ANKRD63: variants seen among roughly 807,000 people sequenced by gnomAD.
ANKRD63 encodes the protein ankyrin repeat domain-containing protein 63.
ANKRD63 carries 18 observed loss-of-function variants against 21.2 expected under a neutral mutation model. The observed-to-expected ratio is 0.85, with a 90% CI of 0.59 to 1.26. The LOEUF is 1.26. ANKRD63 is among the 50% of genes most tolerant of loss of function. The pLI, the probability that ANKRD63 is intolerant of heterozygous loss-of-function variation, is 0.00. For missense variants in ANKRD63, 523 were observed against 570.9 expected, an observed-to-expected ratio of 0.92 and a Z score of 0.85; for synonymous variants, 322 against 273.3, an observed-to-expected ratio of 1.18 and a Z score of -1.76.
chr15:40,282,370 G>T lies in ANKRD63; in HGVS notation c.217C>A (p.Gln73Lys), dbSNP rs1433419249. 3 of 1,500,626 alleles carry T rather than the reference G, an allele frequency of 2.0e-6. No individual in the cohort carries two copies. The highest frequency in any genetic ancestry group is 1.4e-5 in the African/African-American group (1 of 69,284). The allele number at this position is 1,500,626 out of a possible 1,614,324, so 93.0% of individuals were successfully genotyped here. ...TCTCGCAGGTTCACTGCAGCACCCT[G>T]CTCGAGCAGCAGCCGCACGAAGCGC... is the stretch of plus-strand genomic sequence containing the variant. ...RARFVRLLLE[Q>K]GAAVNLRDER... The change falls in exon 1 of 1, where the codon CAG (glutamine) becomes AAG (lysine). Residue 73 changes from glutamine (Q) to lysine (K), a missense_variant. By Grantham distance (53) the Gln-to-Lys change is moderately conservative. This residue lies in a region of ANKRD63 where 215 missense variants were observed against 280.4 expected (regional missense o/e 0.77). Coordinates refer to ENST00000434396, the MANE Select transcript of ANKRD63 (RefSeq NM_001190479.3).
Position 40,281,526 on chromosome 15 carries a change from G to A in ANKRD63, c.1061C>T (p.Ala354Val). Reference sequence around the variant, plus strand: ...AGGCACCGAGACAGACAGAGCGTTGGCCTCTAACTCCGGGCCACTCTCGGG... The same window carrying A: ...AGGCACCGAGACAGACAGAGCGTTGACCTCTAACTCCGGGCCACTCTCGGG... ...PGPESGPELEANALSVSVPGP... is the reference protein window; with the variant it reads ...PGPESGPELEVNALSVSVPGP... The change falls in exon 1 of 1, where the codon GCC becomes GTC. Residue 354 changes from alanine to valine, a missense_variant. Ala to Val is a moderately conservative substitution (Grantham distance 64). This residue lies in a region of ANKRD63 where 308 missense variants were observed against 290.4 expected (regional missense o/e 1.06). Coordinates refer to ENST00000434396, the MANE Select transcript of ANKRD63 (RefSeq NM_001190479.3). 3.3e-6 allele frequency: 5 copies of A among 1,523,374 alleles called. No homozygotes were observed. Among genetic ancestry groups the A allele is most frequent in the South Asian group, 2.4e-5 (2 of 83,164 alleles). The allele number at this position is 1,523,374 out of a possible 1,614,324, so 94.4% of individuals were successfully genotyped here.
Position 40,280,873 on chromosome 15 carries a change from T to C in ANKRD63, c.*571A>G, listed in dbSNP as rs547573874. Among the ~76,000 whole-genome samples the C allele has an allele frequency of 1.3e-5, 2 of 152,346 alleles. No homozygotes were observed. Among genetic ancestry groups the C allele is most frequent in the African/African-American group, 4.8e-5 (2 of 41,580 alleles). ...TTCATTGTCTTGAGACAGGAGTTTC[T>C]ACCCTGGAAAAACATAACAGCCAGA... On this transcript the variant is annotated 3_prime_UTR_variant, in exon 1 of 1. Coordinates refer to ENST00000434396, the MANE Select transcript of ANKRD63 (RefSeq NM_001190479.3).
Position 40,281,887 on chromosome 15 carries a change from C to T in ANKRD63, c.700G>A (p.Gly234Ser), listed in dbSNP as rs1232658909. Residue 234 changes from glycine (G) to serine (S), a missense_variant, in exon 1 of 1, where the codon GGC becomes AGC. Gly to Ser is a moderately conservative substitution (Grantham distance 56). This residue lies in a region of ANKRD63 where 308 missense variants were observed against 290.4 expected (regional missense o/e 1.06). Coordinates refer to ENST00000434396, the MANE Select transcript of ANKRD63 (RefSeq NM_001190479.3). Reference protein sequence around the residue: ...RAAGGHGGEAGSAGKNSGRHR... With the variant: ...RAAGGHGGEASSAGKNSGRHR... ...CGGCCCGAATTCTTGCCCGCTGAGCCAGCCTCGCCGCCGTGGCCGCCCGCC... is the reference window on the plus strand; with the variant it reads ...CGGCCCGAATTCTTGCCCGCTGAGCTAGCCTCGCCGCCGTGGCCGCCCGCC... The T allele has an allele frequency of 1.4e-6, 2 of 1,438,030 alleles. No individual in the cohort carries two copies. The highest frequency in any genetic ancestry group is 3.0e-5 in the African/African-American group (2 of 67,124). The allele number at this position is 1,438,030 out of a possible 1,614,324, so 89.1% of individuals were successfully genotyped here.
Position 40,280,332 on chromosome 15 carries a change from T to C in ANKRD63, c.*1112A>G, listed in dbSNP as rs1176118228. ...CCGCCGTTTCACGTCGCAAACACTT[T>C]AGTCAATTATCCCCCTCGCGGAGCT... On this transcript the variant is annotated 3_prime_UTR_variant, in exon 1 of 1. Coordinates refer to ENST00000434396, the MANE Select transcript of ANKRD63 (RefSeq NM_001190479.3). Among the ~76,000 whole-genome samples the C allele has an allele frequency of 1.3e-5, 2 of 152,274 alleles. No homozygotes were observed. The highest frequency in any genetic ancestry group is 4.8e-5 in the African/African-American group (2 of 41,476).
chr15:40,282,304 C>T lies in ANKRD63; in HGVS notation c.283G>A (p.Gly95Ser). 6.6e-7 allele frequency: 1 copy of T among 1,519,078 alleles called. No homozygotes were observed. The highest frequency in any genetic ancestry group is 8.8e-7 in the Non-Finnish European group (1 of 1,141,096). 94.1% of individuals were successfully genotyped at this position (1,519,078 alleles called of 1,614,324 possible). A position where few individuals can be genotyped will look rare whatever the true frequency, so the allele number is the denominator to read the frequency against. ...AGCAGCTGCACGGCGTCCAGGTGGC[C>T]TCGCTCGCACGCCAGGCTGAGTGCG... ...RTALSLACERGHLDAVQLLVQ... is the reference protein window; with the variant it reads ...RTALSLACERSHLDAVQLLVQ... The change falls in exon 1 of 1, where the codon GGC becomes AGC. Residue 95 changes from glycine to serine, a missense_variant. Transcript: ENST00000434396.
Position 40,282,656 on chromosome 15 carries a change from G to A in ANKRD63, c.-70C>T. ...GGCGCCCCTGTTCTCGCGCCCCGCGGGGCTCCGGCCTCCGCCCGCGCTCTG... is the reference window on the plus strand; with the variant it reads ...GGCGCCCCTGTTCTCGCGCCCCGCGAGGCTCCGGCCTCCGCCCGCGCTCTG... On this transcript the variant is annotated 5_prime_UTR_variant, in exon 1 of 1. Transcript: ENST00000434396. 2 of 1,244,222 alleles carry A rather than the reference G, an allele frequency of 1.6e-6. No individual in the cohort carries two copies. Among genetic ancestry groups the A allele is most frequent in the Non-Finnish European group, 2.1e-6 (2 of 963,872 alleles). 77.1% of individuals were successfully genotyped at this position (1,244,222 alleles called of 1,614,324 possible). A position where few individuals can be genotyped will look rare whatever the true frequency, so the allele number is the denominator to read the frequency against.
rs757517590 is a variant in ANKRD63 at position 40,282,301 on chromosome 15, G to C, written c.286C>G (p.His96Asp). ...ACCAGCAGCTGCACGGCGTCCAGGT[G>C]GCCTCGCTCGCACGCCAGGCTGAGT... ...TALSLACERGHLDAVQLLVQF... is the reference protein window; with the variant it reads ...TALSLACERGDLDAVQLLVQF... Residue 96 changes from histidine (H) to aspartate (D), a missense_variant, in exon 1 of 1, where the codon CAC (histidine) becomes GAC (aspartate). His to Asp is a moderately conservative substitution (Grantham distance 81, BLOSUM62 -1). Transcript: ENST00000434396. 1.8e-5 allele frequency: 28 copies of C among 1,518,410 alleles called. No individual in the cohort carries two copies. The South Asian group carries it at 3.0e-4, about 16-fold the overall frequency. The allele number at this position is 1,518,410 out of a possible 1,614,324, so 94.1% of individuals were successfully genotyped here. A position where few individuals can be genotyped will look rare whatever the true frequency, so the allele number is the denominator to read the frequency against.
Position 40,281,365 on chromosome 15 carries a change from T to G in ANKRD63, c.*79A>C. The G allele has an allele frequency of 3.3e-6, 4 of 1,224,410 alleles. No individual in the cohort carries two copies. Among genetic ancestry groups the G allele is most frequent in the Non-Finnish European group, 3.1e-6 (3 of 954,666 alleles). 75.8% of individuals were successfully genotyped at this position (1,224,410 alleles called of 1,614,324 possible). A position where few individuals can be genotyped will look rare whatever the true frequency, so the allele number is the denominator to read the frequency against. On this transcript the variant is annotated 3_prime_UTR_variant, in exon 1 of 1. Transcript: ENST00000434396. ...CTGCGGGGGGCGGCTGCCGAAAAGG[T>G]GAGGGACCTAGAAGAGAGAAATACC...
Position 40,282,255 on chromosome 15 carries a change from T to G in ANKRD63, c.332A>C (p.Glu111Ala). 1 of 1,519,950 alleles carries G rather than the reference T, an allele frequency of 6.6e-7. No homozygotes were observed. The highest frequency in any genetic ancestry group is 8.8e-7 in the Non-Finnish European group (1 of 1,141,034). 94.2% of individuals were successfully genotyped at this position (1,519,950 alleles called of 1,614,324 possible). ...GCTGTTGCCCGCAGAGTCGGCCGCC[T>G]CGGGGTCACCGCTGAACTGCACCAG... ...QLLVQFSGDP[E>A]AADSAGNSPV... is the part of the protein sequence containing the mutation. Residue 111 changes from glutamate to alanine, a missense_variant, in exon 1 of 1, where the codon GAG (glutamate) becomes GCG (alanine). By Grantham distance (107) the Glu-to-Ala change is moderately radical (BLOSUM62 -1). Around this residue, in one of 2 missense-constraint regions of ANKRD63, gnomAD observed 215 missense variants for 280.4 expected, o/e 0.77. Transcript: ENST00000434396.
rs1412450410 is a variant in ANKRD63, at chr15:40,281,675, G to A, written c.912C>T (p.Thr304=). 6.5e-7 allele frequency: 1 copy of A among 1,530,772 alleles called. No homozygotes were observed. The highest frequency in any genetic ancestry group is 1.2e-5 in the South Asian group (1 of 83,778). 94.8% of individuals were successfully genotyped at this position (1,530,772 alleles called of 1,614,324 possible). A position where few individuals can be genotyped will look rare whatever the true frequency, so the allele number is the denominator to read the frequency against. Residue 304 remains threonine (T), a synonymous_variant, in exon 1 of 1, where the codon ACC becomes ACT. Transcript: ENST00000434396. ...TGAGGCCAATGGGGGCTTGCGCTAA[G>A]GTTGGGGGCGCTCCCTCCAGCACCT... ...SQEVLEGAPP[T]LAQAPIGLSP...
rs1361160243 is a variant in ANKRD63, at chr15:40,280,444, GTTCT to G, written c.*996_*999del. 6.6e-6 allele frequency among the ~76,000 whole-genome samples: 1 copy of G among 152,270 alleles called. No individual in the cohort carries two copies. The highest frequency in any genetic ancestry group is 6.5e-5 in the Admixed American group (1 of 15,292). On this transcript the variant is annotated 3_prime_UTR_variant, in exon 1 of 1. Coordinates refer to ENST00000434396, the MANE Select transcript of ANKRD63 (RefSeq NM_001190479.3). ...TCATATACAAAGGCTTAAAACACGA[GTTCT>G]TTGAGGATTGGAAGAAATACAATTA...
At position 40,280,457 on chromosome 15, in the gene ANKRD63, T is replaced by G. The variant is rs2039528121; in HGVS notation, c.*987A>C. On this transcript the variant is annotated 3_prime_UTR_variant, in exon 1 of 1. Coordinates refer to ENST00000434396, the MANE Select transcript of ANKRD63 (RefSeq NM_001190479.3). ...CTTAAAACACGAGTTCTTTGAGGAT[T>G]GGAAGAAATACAATTAAGCACAGCC... Among the ~76,000 whole-genome samples the G allele has an allele frequency of 6.6e-6, 1 of 152,258 alleles. No individual in the cohort carries two copies.
Position 40,282,648 on chromosome 15 carries a change from G to C in ANKRD63, c.-62C>G. ...CGCACGGGGGCGCCCCTGTTCTCGC[G>C]CCCCGCGGGGCTCCGGCCTCCGCCC... On this transcript the variant is annotated 5_prime_UTR_variant, in exon 1 of 1. Coordinates refer to ENST00000434396, the MANE Select transcript of ANKRD63 (RefSeq NM_001190479.3). 3.2e-6 allele frequency: 4 copies of C among 1,260,892 alleles called. No homozygotes were observed. Among genetic ancestry groups the C allele is most frequent in the Non-Finnish European group, 4.1e-6 (4 of 978,678 alleles). The allele number at this position is 1,260,892 out of a possible 1,614,324, so 78.1% of individuals were successfully genotyped here.
Position 40,281,610 on chromosome 15 carries a change from C to T in ANKRD63, c.977G>A (p.Gly326Asp), listed in dbSNP as rs749361049. 5.8e-5 allele frequency: 89 copies of T among 1,528,504 alleles called. No individual in the cohort carries two copies. Among genetic ancestry groups the T allele is most frequent in the Middle Eastern group, 1.7e-4 (1 of 5,956 alleles). The allele number at this position is 1,528,504 out of a possible 1,614,324, so 94.7% of individuals were successfully genotyped here. ...TGGGGCTGTGGAGCGTCGGCGCAAA[C>T]CCAGGCGGCCAGAGCCGGGGCCGCC... ...PEGGPGSGRLGLRRRSTAPDI... is the reference protein window; with the variant it reads ...PEGGPGSGRLDLRRRSTAPDI... The change falls in exon 1 of 1, where the codon GGT becomes GAT. Residue 326 changes from glycine (G) to aspartate (D), a missense_variant. By Grantham distance (94) the Gly-to-Asp change is moderately conservative. Around this residue, in one of 2 missense-constraint regions of ANKRD63, gnomAD observed 308 missense variants for 290.4 expected, o/e 1.06. Coordinates refer to ENST00000434396, the MANE Select transcript of ANKRD63 (RefSeq NM_001190479.3).
Position 40,282,766 on chromosome 15 carries a change from C to T in ANKRD63, c.-180G>A, listed in dbSNP as rs1022278821. Reference sequence around the variant, plus strand: ...TGTCCCGGAGGCTCCGACTGCCCCGCCGCTCCTGGGCCGCACGCCTGGCGT... The same window carrying T: ...TGTCCCGGAGGCTCCGACTGCCCCGTCGCTCCTGGGCCGCACGCCTGGCGT... On this transcript the variant is annotated 5_prime_UTR_variant, in exon 1 of 1. Coordinates refer to ENST00000434396, the MANE Select transcript of ANKRD63 (RefSeq NM_001190479.3). Among the ~76,000 whole-genome samples the T allele has an allele frequency of 6.6e-6, 1 of 152,230 alleles. No homozygotes were observed. Among genetic ancestry groups the T allele is most frequent in the Non-Finnish European group, 1.5e-5 (1 of 68,026 alleles).
In ANKRD63 at chr15:40,282,185, C is replaced by T; in HGVS notation, c.402G>A (p.Glu134=). The T allele has an allele frequency of 2.0e-6, 3 of 1,499,722 alleles. No homozygotes were observed. The highest frequency in any genetic ancestry group is 1.2e-5 in the South Asian group (1 of 80,164). 92.9% of individuals were successfully genotyped at this position (1,499,722 alleles called of 1,614,324 possible). ...GGCGGCGGAAGGACCGCACCAGGAA[C>T]TCGAGCACCGCCCCGTGGCCGCAGG... The part of the protein sequence containing the change: ...AAACGHGAVL[E]FLVRSFRRLG... The change falls in exon 1 of 1, where the codon GAG becomes GAA. Residue 134 remains glutamate (E), a synonymous_variant. Transcript: ENST00000434396.
In ANKRD63 at chr15:40,282,593, G is replaced by GGCC; in HGVS notation, c.-10_-8dup. The GGCC allele has an allele frequency of 7.3e-7, 1 of 1,379,232 alleles. No homozygotes were observed. Among genetic ancestry groups the GGCC allele is most frequent in the Non-Finnish European group, 9.3e-7 (1 of 1,072,030 alleles). The allele number at this position is 1,379,232 out of a possible 1,614,324, so 85.4% of individuals were successfully genotyped here. ...GGTCCTTGGGTTTGAGCATGGCCCCGGCCGCCGCGCCCGGGCAGCCTGGCA... is the reference window on the plus strand; with the variant it reads ...GGTCCTTGGGTTTGAGCATGGCCCCGGCCGCCGCCGCGCCCGGGCAGCCTGGCA... On this transcript the variant is annotated 5_prime_UTR_variant, in exon 1 of 1. Transcript: ENST00000434396.
At position 40,281,341 on chromosome 15, in the gene ANKRD63, T is replaced by A; in HGVS notation, c.*103A>T. ...CAGGGAGGCAGGTTCCAAAATGGAC[T>A]GCGGGGGGCGGCTGCCGAAAAGGTG... On this transcript the variant is annotated 3_prime_UTR_variant, in exon 1 of 1. Transcript: ENST00000434396. The A allele has an allele frequency of 9.4e-7, 1 of 1,064,316 alleles. No individual in the cohort carries two copies. The highest frequency in any genetic ancestry group is 1.2e-6 in the Non-Finnish European group (1 of 805,280). 65.9% of individuals were successfully genotyped at this position (1,064,316 alleles called of 1,614,324 possible). A position where few individuals can be genotyped will look rare whatever the true frequency, so the allele number is the denominator to read the frequency against.
In ANKRD63 at chr15:40,283,014, G is replaced by C. The variant is rs902513021; in HGVS notation, c.-428C>G. Among the ~76,000 whole-genome samples, 1 of 152,176 alleles carries C rather than the reference G, an allele frequency of 6.6e-6. No homozygotes were observed. The highest frequency in any genetic ancestry group is 1.5e-5 in the Non-Finnish European group (1 of 68,016). On this transcript the variant is annotated 5_prime_UTR_variant, in exon 1 of 1. Transcript: ENST00000434396. ...CCCCCGCTCCCCCGCAGCGACGGTG[G>C]CGCCCGCCGTGCACGCCTGCCTCCA...
Sources: gnomAD v4.1 joint callset for allele counts (sites outside exome capture counted in the v4.1 genomes callset) on GRCh38, gnomAD v4.1.1 for gene constraint, gnomAD v4.1.1 regional missense constraint, MANE v1.5 for transcripts, NCBI Gene and HGNC (gene_info 2026-07-23, HGNC 2026-07-21) for gene names.